NPAS3: variants seen among roughly 807,000 people sequenced by gnomAD.
NPAS3 encodes neuronal PAS domain-containing protein 3.
NPAS3 carries 14 observed loss-of-function variants against 73.1 expected under a neutral mutation model. The ratio of observed to expected loss-of-function variants is 0.19; its 90% CI spans 0.13 to 0.30. NPAS3 has a LOEUF of 0.30. Ranked by LOEUF, NPAS3 falls within the 10% of genes least tolerant of loss-of-function variation. The pLI is 1.00. For missense variants in NPAS3, 1,096 were observed against 1,250.0 expected (o/e 0.88, Z 1.86); for synonymous variants, 620 against 541.5 (o/e 1.14, Z -2.01).
intron 4 of NPAS3, among the ~76,000 whole-genome samples, chr14:33,459,902 TAG>T (rs1238587720): frequency 6.6e-6 from 1 of 152,262 alleles, no homozygotes; most frequent in African/African-American, 2.4e-5. Flanking sequence ...TGCTAGACTA[TAG>T]GCTCTTTTAA....
At chr14:33,635,311 G>A (rs73272962) in intron 5 of NPAS3, among the ~76,000 whole-genome samples, 28,479 of 152,086 alleles carry the variant, frequency 0.19, 3,947 homozygotes, top group African/African-American at 0.39. Context: ...ACATATGGAA[G>A]TCAGATTACA....
intron 2 of NPAS3, among the ~76,000 whole-genome samples, chr14:33,177,242 G>A (rs2045626651): frequency 6.6e-6 from 1 of 151,684 alleles, no homozygotes; most frequent in African/African-American, 2.4e-5. Flanking sequence ...GACCACAGAT[G>A]CCTGCCACCA....
chr14:33,631,257 A>C (rs1039092411), intron 5 of NPAS3, among the ~76,000 whole-genome samples: 1 of 152,242 alleles, frequency 6.6e-6, no homozygotes, highest in African/African-American at 2.4e-5. Flanking sequence ...AGTGGAGCCC[A>C]CATTTACGTA....
At chr14:33,294,561 G>T (rs1037105397) in intron 3 of NPAS3, among the ~76,000 whole-genome samples, 3 of 152,090 alleles carry the variant, frequency 2.0e-5, no homozygotes, top group Non-Finnish European at 2.9e-5. Context: ...GAAGTTCCAT[G>T]AAATCAGGGA....
intron 1 of NPAS3, among the ~76,000 whole-genome samples, chr14:33,001,482 T>C (rs1274020172): frequency 6.6e-6 from 1 of 152,170 alleles, no homozygotes; most frequent in East Asian, 1.9e-4. Context: ...ATTTAGGTGA[T>C]TTGAGTCTCC....
chr14:33,067,917 T>C (rs191298007), intron 2 of NPAS3, among the ~76,000 whole-genome samples: 190 of 152,354 alleles, frequency 1.2e-3, no homozygotes, highest in African/African-American at 4.5e-3. Flanking sequence ...GCCTCTCTCT[T>C]GTCTCAAATA....
intron 2 of NPAS3, among the ~76,000 whole-genome samples, chr14:33,067,827 C>T (rs1398508411): frequency 6.6e-6 from 1 of 152,206 alleles, no homozygotes; most frequent in Admixed American, 6.5e-5. Context: ...CAGAAAGATC[C>T]TCTCCTACCT....
At chr14:33,238,244 T>C (rs1312617928) in intron 3 of NPAS3, among the ~76,000 whole-genome samples, 2 of 151,996 alleles carry the variant, frequency 1.3e-5, no homozygotes, top group Admixed American at 6.6e-5. Flanking sequence ...AGAGCTGATA[T>C]TGATAATCTT....
chr14:33,780,328 A>G (rs954734458), intron 9 of NPAS3, among the ~76,000 whole-genome samples: 3 of 152,254 alleles, frequency 2.0e-5, no homozygotes, highest in Admixed American at 2.0e-4. Flanking sequence ...AAGAAACATC[A>G]GGTTCTTTGT....
At chr14:33,317,821 A>G (rs1330647062) in intron 3 of NPAS3, among the ~76,000 whole-genome samples, 3 of 152,128 alleles carry the variant, frequency 2.0e-5, no homozygotes, top group African/African-American at 7.2e-5. Flanking sequence ...AGAATGGACT[A>G]ATACACCAAG....
intron 6 of NPAS3, among the ~76,000 whole-genome samples, chr14:33,677,459 T>A (rs986473383): frequency 6.6e-6 from 1 of 152,236 alleles, no homozygotes; most frequent in Non-Finnish European, 1.5e-5. Context: ...CTTTACTTGA[T>A]CTGTTGTTTT....
At chr14:33,774,255 A>G (rs2062742592) in intron 7 of NPAS3, 82 bp from the exon 8 acceptor site, 4 of 1,068,720 alleles carry the variant, frequency 3.7e-6, no homozygotes, top group Non-Finnish European at 4.2e-6. Context: ...TTCCAGATGT[A>G]ATTTTGCATT....
At chr14:33,307,694 T>C (rs2042814654) in intron 3 of NPAS3, among the ~76,000 whole-genome samples, 1 of 151,358 alleles carries the variant, frequency 6.6e-6, no homozygotes, top group South Asian at 2.1e-4. Flanking sequence ...TGTTACAAGT[T>C]CCTAGTTTGT....
chr14:33,223,955 A>G (rs1260936390), intron 3 of NPAS3, among the ~76,000 whole-genome samples: 1 of 152,202 alleles, frequency 6.6e-6, no homozygotes, highest in East Asian at 1.9e-4. Flanking sequence ...AGTACAAAAT[A>G]TATGATAAAG....
At chr14:32,993,933 G>T (rs768741828) in intron 1 of NPAS3, among the ~76,000 whole-genome samples, 1 of 152,122 alleles carries the variant, frequency 6.6e-6, no homozygotes, top group Non-Finnish European at 1.5e-5. Flanking sequence ...GTTTAATAAA[G>T]CACTTTTGTT....
At chr14:33,571,616 CA>C (rs1246069047) in intron 5 of NPAS3, among the ~76,000 whole-genome samples, 1 of 152,186 alleles carries the variant, frequency 6.6e-6, no homozygotes, top group Non-Finnish European at 1.5e-5. Flanking sequence ...AAGTCTCCTA[CA>C]CTTTCAGTAC....
At chr14:33,584,226 G>A (rs773071241) in intron 5 of NPAS3, among the ~76,000 whole-genome samples, 3 of 152,016 alleles carry the variant, frequency 2.0e-5, no homozygotes, top group South Asian at 2.1e-4. Context: ...ATGTTTGTTC[G>A]TTTTGATATT....
At chr14:33,221,723 T>C (rs2047436270) in intron 3 of NPAS3, among the ~76,000 whole-genome samples, 1 of 152,168 alleles carries the variant, frequency 6.6e-6, no homozygotes, top group African/African-American at 2.4e-5. Context: ...TTAAGATTAA[T>C]CAACCTCTTT....
chr14:33,122,652 ATT>A (rs1159827950), intron 2 of NPAS3, among the ~76,000 whole-genome samples: 1 of 151,986 alleles, frequency 6.6e-6, no homozygotes, highest in African/African-American at 2.4e-5. Context: ...TCTCAAACTT[ATT>A]TTTTTACTTC....
Sources: gnomAD v4.1 joint callset for allele counts (sites outside exome capture counted in the v4.1 genomes callset) on GRCh38, gnomAD v4.1.1 for gene constraint, MANE v1.5 for transcripts, NCBI Gene and HGNC (gene_info 2026-07-23, HGNC 2026-07-21) for gene names.